Variants in VDAC1 observed in about 807,000 individuals in gnomAD.
VDAC1 encodes non-selective voltage-gated ion channel VDAC1.
VDAC1 carries 10 observed loss-of-function variants against 34.7 expected under a neutral mutation model. The ratio of observed to expected loss-of-function variants is 0.29; its 90% CI spans 0.18 to 0.49. The LOEUF (loss-of-function observed/expected upper bound fraction) is 0.49. Ranked by LOEUF, VDAC1 falls within the 20% of genes least tolerant of loss-of-function variation. The probability of loss-of-function intolerance (pLI) is 0.99; values close to 1 mark genes in which losing one functional copy is unlikely to be tolerated. For missense variants in VDAC1, 230 were observed against 347.9 expected (o/e 0.66, Z 2.69); for synonymous variants, 130 against 136.0 (o/e 0.96, Z 0.30).
At chr5:134,024,194 G>C in the VDAC1 span, among the ~76,000 whole-genome samples, 1 of 151,698 alleles carries the variant, frequency 6.6e-6, no homozygotes, top group Non-Finnish European at 1.5e-5. Context: ...GGAGAGCCCT[G>C]ACCTGACTTG....
At chr5:134,015,497 T>G in the VDAC1 span, among the ~76,000 whole-genome samples, 1 of 152,266 alleles carries the variant, frequency 6.6e-6, no homozygotes, top group Non-Finnish European at 1.5e-5. Context: ...ACTTTGTTAT[T>G]TATAAGCCAC....
chr5:134,037,589 T>C, the VDAC1 span, among the ~76,000 whole-genome samples: 1 of 152,236 alleles, frequency 6.6e-6, no homozygotes, highest in Non-Finnish European at 1.5e-5. Context: ...ACCTATGACC[T>C]GTAAGCCCCT....
chr5:134,009,315 G>C (rs1753798499), upstream of VDAC1, among the ~76,000 whole-genome samples: 1 of 146,446 alleles, frequency 6.8e-6, no homozygotes, highest in African/African-American at 2.6e-5. Flanking sequence ...GAGTACGGTG[G>C]CATGATCTTG....
the VDAC1 span, among the ~76,000 whole-genome samples, chr5:134,031,854 G>A: frequency 7.9e-5 from 12 of 151,618 alleles, no homozygotes; most frequent in Non-Finnish European, 1.3e-4. Context: ...GGGAGGCTGA[G>A]GCAGGAGAAT....
chr5:134,015,515 A>G, the VDAC1 span, among the ~76,000 whole-genome samples: 1 of 152,198 alleles, frequency 6.6e-6, no homozygotes, highest in African/African-American at 2.4e-5. Context: ...CACCCAGTCT[A>G]TGGCATTTTG....
At chr5:133,987,334 C>G (rs993742624) in intron 5 of VDAC1, among the ~76,000 whole-genome samples, 33 of 151,808 alleles carry the variant, frequency 2.2e-4, no homozygotes, top group African/African-American at 7.7e-4. Flanking sequence ...GCACTCCAGC[C>G]TAGGTGACAG....
the VDAC1 span, among the ~76,000 whole-genome samples, chr5:134,030,192 T>G: frequency 6.6e-6 from 1 of 151,846 alleles, no homozygotes; most frequent in East Asian, 1.9e-4. Context: ...AACACAAAAT[T>G]AGCCGGGCGT....
chr5:134,017,178 T>C, the VDAC1 span, among the ~76,000 whole-genome samples: 1 of 152,180 alleles, frequency 6.6e-6, no homozygotes, highest in Admixed American at 6.6e-5. Flanking sequence ...AATTTATAAG[T>C]ATTTCAAGCC....
At chr5:134,033,066 A>G in the VDAC1 span, among the ~76,000 whole-genome samples, 1 of 151,414 alleles carries the variant, frequency 6.6e-6, no homozygotes, top group African/African-American at 2.4e-5. Context: ...AGAGGAGAGG[A>G]GAGGAGAGGA....
the VDAC1 span, among the ~76,000 whole-genome samples, chr5:134,035,364 C>T: frequency 6.6e-6 from 1 of 152,160 alleles, no homozygotes. Context: ...ACTTCAGCCT[C>T]GCAAGTAGCT....
At chr5:133,985,518 G>A (rs1210962829) in intron 5 of VDAC1, among the ~76,000 whole-genome samples, 1 of 152,208 alleles carries the variant, frequency 6.6e-6, no homozygotes, top group East Asian at 1.9e-4. Flanking sequence ...GCAGGACGTG[G>A]TGGCATGTGC....
At chr5:134,076,424 C>T in the VDAC1 span, among the ~76,000 whole-genome samples, 2 of 152,338 alleles carry the variant, frequency 1.3e-5, no homozygotes, top group South Asian at 4.1e-4. Flanking sequence ...TCCTTTGTTG[C>T]CATATGTGTT....
chr5:134,095,049 C>T, the VDAC1 span, among the ~76,000 whole-genome samples: 5 of 148,116 alleles, frequency 3.4e-5, no homozygotes, highest in African/African-American at 1.2e-4. Flanking sequence ...GGGAACTCCA[C>T]AAAATGCCAA....
chr5:134,011,367 T>G, the VDAC1 span, among the ~76,000 whole-genome samples: 2 of 152,282 alleles, frequency 1.3e-5, no homozygotes, highest in East Asian at 3.9e-4. Flanking sequence ...TCCTTATAGA[T>G]TCTAGATATT....
chr5:133,988,091 T>C (rs574195366), intron 5 of VDAC1, among the ~76,000 whole-genome samples: 31 of 152,238 alleles, frequency 2.0e-4, no homozygotes, highest in Admixed American at 5.2e-4. Context: ...CTGAACTGGA[T>C]CACAGATCAG....
chr5:134,067,651 C>T, the VDAC1 span, among the ~76,000 whole-genome samples: 6 of 11,184 alleles, frequency 5.4e-4, no homozygotes, highest in African/African-American at 1.6e-3. Context: ...GAAGGGGAGG[C>T]GGTGAGGGGG....
intron 1 of VDAC1, among the ~76,000 whole-genome samples, chr5:134,003,863 G>C (rs1443196817): frequency 6.6e-6 from 1 of 152,198 alleles, no homozygotes; most frequent in Non-Finnish European, 1.5e-5. Context: ...CTAAGACTGC[G>C]GGCCTCTAAT....
the VDAC1 span, among the ~76,000 whole-genome samples, chr5:134,013,958 A>G: frequency 6.7e-6 from 1 of 149,962 alleles, no homozygotes; most frequent in Non-Finnish European, 1.5e-5. Flanking sequence ...CACCCCCCGA[A>G]AAAAAGTGGG....
chr5:134,085,969 G>C, the VDAC1 span, among the ~76,000 whole-genome samples: 7 of 152,200 alleles, frequency 4.6e-5, no homozygotes, highest in East Asian at 1.4e-3. Flanking sequence ...AAGGCGTGTG[G>C]ATCACTTGAG....
Sources: allele counts gnomAD v4.1 joint callset (sites outside exome capture counted in the v4.1 genomes callset), GRCh38; gene constraint gnomAD v4.1.1; transcripts MANE v1.5; gene names NCBI Gene and HGNC (gene_info 2026-07-23, HGNC 2026-07-21).